The following TECR variants were observed in gnomAD, a reference collection of about 807,000 sequenced individuals.
The protein encoded by TECR is trans-2,3-enoyl-CoA reductase, also known as very-long-chain enoyl-CoA reductase.
Under a neutral mutation model 50.6 loss-of-function variants are expected in TECR, and 19 were observed. The ratio of observed to expected loss-of-function variants is 0.38; its 90% CI spans 0.26 to 0.55. The LOEUF (loss-of-function observed/expected upper bound fraction) is 0.55, where lower values mean the gene tolerates loss of function less well. Ranked by LOEUF, TECR falls within the 20% of genes least tolerant of loss-of-function variation. The pLI is 0.79. For synonymous variants in TECR, 168 were observed against 163.5 expected (o/e 1.03, Z -0.21); for missense variants, 313 against 408.3 (o/e 0.77, Z 2.01).
chr19:14,554,702 C>T (rs981124912), intron 1 of TECR, among the ~76,000 whole-genome samples: 10 of 152,140 alleles, frequency 6.6e-5, no homozygotes, highest in African/African-American at 1.7e-4. Context: ...TACCTCTCAT[C>T]CCCACACCCA....
At chr19:14,556,849 A>G (rs988557612) in intron 1 of TECR, among the ~76,000 whole-genome samples, 4 of 152,128 alleles carry the variant, frequency 2.6e-5, no homozygotes, top group Non-Finnish European at 5.9e-5. Flanking sequence ...GGAGCGTCGC[A>G]GCCTCCGCCG....
chr19:14,564,364 C>T, intron 7 of TECR, 77 bp downstream of exon 7: 2 of 1,205,548 alleles, frequency 1.7e-6, no homozygotes, highest in Non-Finnish European at 2.3e-6. Flanking sequence ...GAGCCCCACC[C>T]CAAGGCCCTT....
intron 1 of TECR, among the ~76,000 whole-genome samples, chr19:14,554,122 G>A (rs2073636832): frequency 6.6e-6 from 1 of 152,166 alleles, no homozygotes; most frequent in African/African-American, 2.4e-5. Flanking sequence ...CAACATGCAC[G>A]CGTGGTCTTC....
At chr19:14,558,322 C>T (rs912834894) in intron 1 of TECR, among the ~76,000 whole-genome samples, 14 of 152,162 alleles carry the variant, frequency 9.2e-5, no homozygotes, top group African/African-American at 3.1e-4. Flanking sequence ...TTAGTAATAT[C>T]TTCATGACCA....
At position 14,565,944 on chromosome 19, in the gene TECR, C is replaced by G; in HGVS notation, c.*73C>G. The G allele has an allele frequency of 6.5e-7, 1 of 1,543,952 alleles. No homozygotes were observed. Among genetic ancestry groups the G allele is most frequent in the South Asian group, 1.2e-5 (1 of 85,012 alleles). ...GGGGAGGAGTGGGGCCCACAGCTCT[C>G]CAGCACCCGGAATAAAGCCCGCCTG... is the stretch of plus-strand genomic sequence containing the variant. On this transcript the variant is annotated 3_prime_UTR_variant, in exon 13 of 13. Transcript: ENST00000215567.
chr19:14,535,367 G>C (rs1397493473), intron 1 of TECR, among the ~76,000 whole-genome samples: 6 of 150,658 alleles, frequency 4.0e-5, no homozygotes, highest in Non-Finnish European at 8.9e-5. Flanking sequence ...AGTTAGCTGA[G>C]TGTGGTGGTG....
At chr19:14,565,713 G>GC in intron 12 of TECR, 31 bp from the exon 13 acceptor site, 1 of 1,612,082 alleles carries the variant, frequency 6.2e-7, no homozygotes, top group Non-Finnish European at 8.5e-7. Flanking sequence ...CGGGCCGGCA[G>GC]CCCCTCCCTG....
chr19:14,555,819 T>G (rs981693027), intron 1 of TECR, among the ~76,000 whole-genome samples: 1 of 152,096 alleles, frequency 6.6e-6, no homozygotes, highest in African/African-American at 2.4e-5. Context: ...CTCCTGGGCT[T>G]AAGTGATCAT....
chr19:14,543,318 A>G (rs2073165703), intron 1 of TECR, among the ~76,000 whole-genome samples: 1 of 142,922 alleles, frequency 7.0e-6, no homozygotes, highest in Non-Finnish European at 1.5e-5. Flanking sequence ...GTGTGTGCAG[A>G]TACTGGAATT....
chr19:14,558,915 G>A (rs1285341059), intron 1 of TECR, among the ~76,000 whole-genome samples: 1 of 152,230 alleles, frequency 6.6e-6, no homozygotes, highest in Non-Finnish European at 1.5e-5. Context: ...GCAGCTGCCT[G>A]TACCCTCTGC....
chr19:14,564,548 A>AGCCCCGCCCCTGCAGAGCCCC, intron 7 of TECR: 1 of 13,258 alleles, frequency 7.5e-5, no homozygotes, highest in Admixed American at 1.4e-3. Context: ...CTATCCCCCC[A>AGCCCCGCCCCTGCAGAGCCCC]GCCCCGCCCC....
rs527492859 is a variant in TECR at position 14,559,115 on chromosome 19, CTG to C, written c.16-3408_16-3407del. ...AACCTCTCCTGCTCCTCCCACCCGACTGTTTTTATTTTGATGGGTATGTGGGG... is the reference window on the plus strand; with the variant it reads ...AACCTCTCCTGCTCCTCCCACCCGACTTTTTATTTTGATGGGTATGTGGGG... On this transcript the variant is annotated intron_variant, in intron 1 of 12. Coordinates refer to ENST00000215567, the MANE Select transcript of TECR (RefSeq NM_138501.6). Among the ~76,000 whole-genome samples, 596 of 152,280 alleles carry C rather than the reference CTG, an allele frequency of 3.9e-3. 5 individuals carry two copies. Among genetic ancestry groups the C allele is most frequent in the African/African-American group, 0.014 (580 of 41,544 alleles).
chr19:14,529,867 T>G, intron 1 of TECR, 156 bp downstream of exon 1: 1 of 992,484 alleles, frequency 1.0e-6, no homozygotes, highest in Non-Finnish European at 1.6e-6. Context: ...GGGCCACTCG[T>G]AAATTCCAAT....
intron 1 of TECR, among the ~76,000 whole-genome samples, chr19:14,556,408 C>CA (rs1555735939): frequency 1.4e-3 from 72 of 50,864 alleles, no homozygotes; most frequent in African/African-American, 4.6e-3. Context: ...GAGACTCTCT[C>CA]AAAAAAAAAA....
intron 1 of TECR, among the ~76,000 whole-genome samples, chr19:14,547,873 G>A (rs188570505): frequency 6.6e-6 from 1 of 150,830 alleles, no homozygotes; most frequent in East Asian, 2.0e-4. Context: ...TGTTGCCCAG[G>A]TTGGTCTTGG....
chr19:14,550,009 CCTTT>C (rs541071692), intron 1 of TECR, among the ~76,000 whole-genome samples: 8 of 145,658 alleles, frequency 5.5e-5, no homozygotes, highest in East Asian at 3.9e-4. Flanking sequence ...TGTCCCCTTT[CCTTT>C]CTTTCTTCTT....
intron 1 of TECR, among the ~76,000 whole-genome samples, chr19:14,539,282 C>T (rs1004513253): frequency 6.6e-6 from 1 of 151,708 alleles, no homozygotes; most frequent in Non-Finnish European, 1.5e-5. Context: ...GCGTGAGCCA[C>T]CACACCTGGC....
chr19:14,563,089 C>T lies in TECR; in HGVS notation c.67-117C>T. On this transcript the variant is annotated intron_variant, in intron 2 of 12. Coordinates refer to ENST00000215567, the MANE Select transcript of TECR (RefSeq NM_138501.6). This position sits in a 1 kb window ranked among gnomAD's most constrained non-coding sequence, Gnocchi z 5.3. Reference sequence around the variant, plus strand: ...GCAGGCAGAGGCCTGGACCCCAGCCCTTCCCCCTTCCCATAGCTACAGCCC... The same window carrying T: ...GCAGGCAGAGGCCTGGACCCCAGCCTTTCCCCCTTCCCATAGCTACAGCCC... The T allele has an allele frequency of 7.9e-7, 1 of 1,263,500 alleles. No individual in the cohort carries two copies. The allele number at this position is 1,263,500 out of a possible 1,614,324, so 78.3% of individuals were successfully genotyped here. A position where few individuals can be genotyped will look rare whatever the true frequency, so the allele number is the denominator to read the frequency against.
intron 1 of TECR, among the ~76,000 whole-genome samples, chr19:14,559,280 C>G (rs937306153): frequency 1.3e-5 from 2 of 152,062 alleles, no homozygotes; most frequent in Non-Finnish European, 2.9e-5. Flanking sequence ...CTGTCTCGTC[C>G]CAGAACATTT....
Sources: allele counts gnomAD v4.1 joint callset (sites outside exome capture counted in the v4.1 genomes callset), GRCh38; gene constraint gnomAD v4.1.1; non-coding constraint Gnocchi (gnomAD v3.1); transcripts MANE v1.5; gene names NCBI Gene and HGNC (gene_info 2026-07-23, HGNC 2026-07-21).